Variants in TFEB observed in about 807,000 individuals in gnomAD.
TFEB encodes the protein T-cell transcription factor EB.
Under a neutral mutation model 48.0 loss-of-function variants are expected in TFEB, and 12 were observed. The ratio of observed to expected loss-of-function variants is 0.25; its 90% CI spans 0.16 to 0.40. TFEB has a LOEUF of 0.40. TFEB is among the 10% of genes least tolerant of loss of function. The pLI, the probability that TFEB is intolerant of heterozygous loss-of-function variation, is 1.00. For missense variants in TFEB, 509 were observed against 640.3 expected, an observed-to-expected ratio of 0.79 and a Z score of 2.21; for synonymous variants, 244 against 261.4, an observed-to-expected ratio of 0.93 and a Z score of 0.64.
intron 1 of TFEB, among the ~76,000 whole-genome samples, chr6:41,695,963 G>C (rs1769558317): frequency 6.6e-6 from 1 of 152,238 alleles, no homozygotes; most frequent in Non-Finnish European, 1.5e-5. Context: ...GCTCGGTGCA[G>C]TGGTCATTAG....
chr6:41,724,569 T>C lies in TFEB; in HGVS notation c.-23+10781A>G, dbSNP rs1351565904. Among the ~76,000 whole-genome samples the C allele has an allele frequency of 6.6e-6, 1 of 151,896 alleles. No homozygotes were observed. The highest frequency in any genetic ancestry group is 6.5e-5 in the Admixed American group (1 of 15,270). On this transcript the variant is annotated intron_variant, in intron 1 of 8. Transcript: ENST00000373033. The surrounding 1 kb of genome is among the most constrained non-coding windows in gnomAD (Gnocchi z 4.4). The stretch of plus-strand genomic sequence containing the variant: ...ATTCTGGAAGGACACAAAGGATGAG[T>C]AGGAGCCAGGCCTGGGTGTGCAGAG...
intron 1 of TFEB, among the ~76,000 whole-genome samples, chr6:41,729,808 C>A (rs1283972053): frequency 1.3e-5 from 2 of 152,190 alleles, no homozygotes; most frequent in East Asian, 1.9e-4. Context: ...CCCCTGGCGA[C>A]CTGCCTTCAA....
rs1771105595 is a variant in TFEB, at chr6:41,724,052, C to T, written c.-23+11298G>A. On this transcript the variant is annotated intron_variant, in intron 1 of 8. Coordinates refer to ENST00000373033, the MANE Select transcript of TFEB (RefSeq NM_001271944.2). The surrounding 1 kb of genome is among the most constrained non-coding windows in gnomAD (Gnocchi z 4.4). The stretch of plus-strand genomic sequence containing the variant: ...GGCCTCCAGACACCCAGGTCGAGGC[C>T]GTACTACAGCCCACCTTGAAATGGA... 14 of 407,246 alleles carry T rather than the reference C, an allele frequency of 3.4e-5. No homozygotes were observed. The highest frequency in any genetic ancestry group is 2.3e-4 in the South Asian group (13 of 57,374). 25.2% of individuals were successfully genotyped at this position (407,246 alleles called of 1,614,324 possible). A position where few individuals can be genotyped will look rare whatever the true frequency, so the allele number is the denominator to read the frequency against.
At chr6:41,721,850 A>G (rs147147308) in intron 1 of TFEB, among the ~76,000 whole-genome samples, 178 of 152,358 alleles carry the variant, frequency 1.2e-3, no homozygotes, top group African/African-American at 4.2e-3. Flanking sequence ...AGCCAGATTC[A>G]GAACCACTGC....
intron 1 of TFEB, among the ~76,000 whole-genome samples, chr6:41,695,895 G>T (rs1769552870): frequency 6.6e-6 from 1 of 152,210 alleles, no homozygotes; most frequent in African/African-American, 2.4e-5. Context: ...TCCAAAGGTG[G>T]GTCGCCAAGG....
At chr6:41,715,527 G>A (rs553049561) in intron 1 of TFEB, among the ~76,000 whole-genome samples, 3 of 152,062 alleles carry the variant, frequency 2.0e-5, no homozygotes, top group Non-Finnish European at 4.4e-5. Flanking sequence ...AAAATTAGCC[G>A]GGTGTGGTGG....
At position 41,706,862 on chromosome 6, in the gene TFEB, T is replaced by TCA. The variant is rs201514779; in HGVS notation, c.-22-15629_-22-15628dup. Among the ~76,000 whole-genome samples, 604 of 151,768 alleles carry TCA rather than the reference T, an allele frequency of 4.0e-3. 3 individuals are homozygous for TCA. The highest frequency in any genetic ancestry group is 0.014 in the African/African-American group (587 of 41,360). ...GTATGAAAGGAACAGGAAGCAAAATTCACACACACACACTTCCAGCCCTTT... is the reference window on the plus strand; with the variant it reads ...GTATGAAAGGAACAGGAAGCAAAATTCACACACACACACACTTCCAGCCCTTT... On this transcript the variant is annotated intron_variant, in intron 1 of 8. Transcript: ENST00000373033.
At chr6:41,686,879 A>G (rs1408048825) in intron 7 of TFEB, 2 of 590,078 alleles carry the variant, frequency 3.4e-6, no homozygotes, top group South Asian at 4.1e-5. Flanking sequence ...GCCTCCCTTG[A>G]CCTCAGCCTC....
Position 41,691,608 on chromosome 6 carries a change from C to T in TFEB, c.-22-373G>A, listed in dbSNP as rs1769322699. On this transcript the variant is annotated intron_variant, in intron 1 of 8. Coordinates refer to ENST00000373033, the MANE Select transcript of TFEB (RefSeq NM_001271944.2). This position sits in a 1 kb window ranked among gnomAD's most constrained non-coding sequence, Gnocchi z 5.2. ...AAGGTGGGCCCAGCCTATCCTGGGTCTTACCTGGAATCCCGCAGGAGTAGC... is the reference window on the plus strand; with the variant it reads ...AAGGTGGGCCCAGCCTATCCTGGGTTTTACCTGGAATCCCGCAGGAGTAGC... 1 of 431,310 alleles carries T rather than the reference C, an allele frequency of 2.3e-6. No individual in the cohort carries two copies. The highest frequency in any genetic ancestry group is 2.1e-5 in the South Asian group (1 of 47,934). The allele number at this position is 431,310 out of a possible 1,614,324, so 26.7% of individuals were successfully genotyped here.
At chr6:41,727,443 CACTTTGGG>C (rs1771261234) in intron 1 of TFEB, among the ~76,000 whole-genome samples, 1 of 152,132 alleles carries the variant, frequency 6.6e-6, no homozygotes, top group Non-Finnish European at 1.5e-5. Context: ...GTAATCTTAA[CACTTTGGG>C]AGGCCGAGGC....
At chr6:41,729,575 C>T (rs1250878963) in intron 1 of TFEB, among the ~76,000 whole-genome samples, 1 of 152,224 alleles carries the variant, frequency 6.6e-6, no homozygotes, top group Admixed American at 6.5e-5. Context: ...CAGCTTCAGA[C>T]CCTGACGCAT....
At chr6:41,714,133 A>ACGTGTGTGTG (rs1770611569) in intron 1 of TFEB, among the ~76,000 whole-genome samples, 5 of 116,832 alleles carry the variant, frequency 4.3e-5, no homozygotes, top group Non-Finnish European at 8.5e-5. Flanking sequence ...GTGCGTGTGC[A>ACGTGTGTGTG]TGTGTGCGTG....
At chr6:41,700,248 C>CTT (rs1424159395) in intron 1 of TFEB, among the ~76,000 whole-genome samples, 2 of 152,144 alleles carry the variant, frequency 1.3e-5, no homozygotes, top group Admixed American at 6.5e-5. Flanking sequence ...GGGCGGATCA[C>CTT]AAGGTCAAGA....
At position 41,700,482 on chromosome 6, in the gene TFEB, AAAG is replaced by A. The variant is rs80155222; in HGVS notation, c.-22-9250_-22-9248del. Among the ~76,000 whole-genome samples, 515 of 151,980 alleles carry A rather than the reference AAAG, an allele frequency of 3.4e-3. 3 individuals carry two copies. Among genetic ancestry groups the A allele is most frequent in the African/African-American group, 0.012 (496 of 41,422 alleles). On this transcript the variant is annotated intron_variant, in intron 1 of 8. Coordinates refer to ENST00000373033, the MANE Select transcript of TFEB (RefSeq NM_001271944.2). ...CTCCGTCTCAAAAAAAAAAAAAAAA[AAAG>A]ATCAAGAAACAAAGAATGAATTACA...
intron 1 of TFEB, chr6:41,733,007 G>T: frequency 1.0e-6 from 1 of 985,538 alleles, no homozygotes; most frequent in Non-Finnish European, 1.2e-6. Flanking sequence ...CAGAACCCAG[G>T]GGGTGGCTGG....
At position 41,691,518 on chromosome 6, in the gene TFEB, C is replaced by T. The variant is rs1769318344; in HGVS notation, c.-22-283G>A. The T allele has an allele frequency of 1.6e-6, 1 of 630,158 alleles. No homozygotes were observed. The highest frequency in any genetic ancestry group is 3.0e-6 in the Non-Finnish European group (1 of 337,268). 39.0% of individuals were successfully genotyped at this position (630,158 alleles called of 1,614,324 possible). ...TCTAAGAGTCAACTTCCACTCCTCTCTGTGTCACGCCCACATCCTGATCCT... is the reference window on the plus strand; with the variant it reads ...TCTAAGAGTCAACTTCCACTCCTCTTTGTGTCACGCCCACATCCTGATCCT... On this transcript the variant is annotated intron_variant, in intron 1 of 8. Transcript: ENST00000373033. The surrounding 1 kb of genome is among the most constrained non-coding windows in gnomAD (Gnocchi z 5.2).
chr6:41,731,051 G>T (rs1771429934), intron 1 of TFEB, among the ~76,000 whole-genome samples: 1 of 152,152 alleles, frequency 6.6e-6, no homozygotes, highest in African/African-American at 2.4e-5. Flanking sequence ...AGCTCTCCAT[G>T]CCTCTATTTC....
rs1167629548 is a variant in TFEB, at chr6:41,723,687, C to T, written c.-23+11663G>A. 2.1e-6 allele frequency: 1 copy of T among 483,480 alleles called. No individual in the cohort carries two copies. The highest frequency in any genetic ancestry group is 3.4e-6 in the Non-Finnish European group (1 of 292,488). The allele number at this position is 483,480 out of a possible 1,614,324, so 29.9% of individuals were successfully genotyped here. A position where few individuals can be genotyped will look rare whatever the true frequency, so the allele number is the denominator to read the frequency against. ...ATTACTCACAGCACAGAGGGAACTG[C>T]GCCCCGACGGCACAGTCCCACACCG... On this transcript the variant is annotated intron_variant, in intron 1 of 8. Coordinates refer to ENST00000373033, the MANE Select transcript of TFEB (RefSeq NM_001271944.2). The surrounding 1 kb of genome is among the most constrained non-coding windows in gnomAD (Gnocchi z 6.0).
At chr6:41,722,495 G>A (rs528691629) in intron 1 of TFEB, among the ~76,000 whole-genome samples, 1 of 152,364 alleles carries the variant, frequency 6.6e-6, no homozygotes, top group Admixed American at 6.5e-5. Flanking sequence ...GGGCCCACCT[G>A]TGGGCTGAGT....
Sources: allele counts gnomAD v4.1 joint callset (sites outside exome capture counted in the v4.1 genomes callset), GRCh38; gene constraint gnomAD v4.1.1; non-coding constraint Gnocchi (gnomAD v3.1); transcripts MANE v1.5; gene names NCBI Gene and HGNC (gene_info 2026-07-23, HGNC 2026-07-21).